Variants in DPYD observed in about 807,000 individuals in gnomAD.
DPYD encodes dihydropyrimidine dehydrogenase [NADP(+)].
Under a neutral mutation model 116.2 loss-of-function variants are expected in DPYD, and 109 were observed. That is an observed-to-expected ratio of 0.94 (90% CI 0.80 to 1.10). DPYD has a LOEUF of 1.10. DPYD is among the 50% of genes least tolerant of loss of function. DPYD has a pLI of 0.00. For missense variants in DPYD, 1,302 were observed against 1,254.5 expected (o/e 1.04, Z -0.57); for synonymous variants, 440 against 432.0 (o/e 1.02, Z -0.23).
At chr1:97,469,532 A>T (rs181344637) in intron 13 of DPYD, among the ~76,000 whole-genome samples, 1 of 152,178 alleles carries the variant, frequency 6.6e-6, no homozygotes, top group Non-Finnish European at 1.5e-5. Flanking sequence ...TAGTGAAAAT[A>T]GAACAATAGG....
chr1:97,287,966 G>A (rs1239271802), intron 18 of DPYD, among the ~76,000 whole-genome samples: 2 of 151,118 alleles, frequency 1.3e-5, no homozygotes, highest in African/African-American at 4.9e-5. Context: ...ACACACATAG[G>A]CTCAAAATAA....
Position 97,900,129 on chromosome 1 carries a change from G to T in DPYD, c.40-16755C>A, listed in dbSNP as rs116755650. Among the ~76,000 whole-genome samples the T allele has an allele frequency of 6.5e-3, 984 of 151,958 alleles. 13 individuals carry two copies. Among genetic ancestry groups the T allele is most frequent in the African/African-American group, 0.023 (946 of 41,498 alleles). ...TTTAAGGAGTCTCATTAAAGGGAGA[G>T]GTATACCTTGTTTTTCCTGTTCTTC... On this transcript the variant is annotated intron_variant, in intron 1 of 22. Coordinates refer to ENST00000370192, the MANE Select transcript of DPYD (RefSeq NM_000110.4).
intron 2 of DPYD, among the ~76,000 whole-genome samples, chr1:97,852,496 A>G (rs946876087): frequency 6.6e-6 from 1 of 152,184 alleles, no homozygotes; most frequent in African/African-American, 2.4e-5. Context: ...ACATAATAAC[A>G]TGGAATCTAT....
chr1:97,809,681 T>C (rs1013427711), intron 3 of DPYD, among the ~76,000 whole-genome samples: 1 of 152,150 alleles, frequency 6.6e-6, no homozygotes, highest in African/African-American at 2.4e-5. Flanking sequence ...TACCATGTAG[T>C]ATACACAATA....
chr1:97,202,530 T>G (rs1368739943), intron 19 of DPYD, among the ~76,000 whole-genome samples: 2 of 152,192 alleles, frequency 1.3e-5, no homozygotes, highest in Non-Finnish European at 2.9e-5. Flanking sequence ...AACCACATTT[T>G]GCCAGCCAGA....
chr1:97,226,826 T>C (rs989788016), intron 19 of DPYD, among the ~76,000 whole-genome samples: 4 of 152,068 alleles, frequency 2.6e-5, no homozygotes, highest in African/African-American at 9.7e-5. Flanking sequence ...TTCAATAGAA[T>C]CCCTACAAAC....
chr1:97,109,198 A>C (rs1235352991), intron 20 of DPYD, among the ~76,000 whole-genome samples: 1 of 152,156 alleles, frequency 6.6e-6, no homozygotes, highest in Non-Finnish European at 1.5e-5. Context: ...CTAAAGCATT[A>C]TAGAACCAAA....
At chr1:97,406,288 T>A (rs1024749309) in intron 14 of DPYD, among the ~76,000 whole-genome samples, 19 of 66,090 alleles carry the variant, frequency 2.9e-4, no homozygotes, top group South Asian at 7.4e-4. Flanking sequence ...TTTTTTTTTT[T>A]TAAAATTATT....
chr1:97,738,986 T>G (rs1664110666), intron 4 of DPYD, among the ~76,000 whole-genome samples: 1 of 152,072 alleles, frequency 6.6e-6, no homozygotes, highest in African/African-American at 2.4e-5. Flanking sequence ...TTCTGAAATA[T>G]CTATGAAAAA....
chr1:97,755,131 T>A (rs1665156640), intron 3 of DPYD, among the ~76,000 whole-genome samples: 1 of 152,130 alleles, frequency 6.6e-6, no homozygotes, highest in Non-Finnish European at 1.5e-5. Context: ...TTCCTGCTTG[T>A]AGGTCTCAAG....
chr1:97,281,848 AT>A (rs1402693041), intron 18 of DPYD, among the ~76,000 whole-genome samples: 1 of 152,116 alleles, frequency 6.6e-6, no homozygotes, highest in Non-Finnish European at 1.5e-5. Flanking sequence ...AGGGTATAAA[AT>A]TATCTACCTC....
intron 20 of DPYD, among the ~76,000 whole-genome samples, chr1:97,126,279 T>C (rs187250029): frequency 3.3e-5 from 5 of 152,264 alleles, no homozygotes; most frequent in African/African-American, 9.6e-5. Flanking sequence ...CTTGTTCCCA[T>C]CCTACTTGTT....
intron 3 of DPYD, among the ~76,000 whole-genome samples, chr1:97,785,292 G>A (rs1571353045): frequency 6.6e-6 from 1 of 152,042 alleles, no homozygotes; most frequent in African/African-American, 2.4e-5. Flanking sequence ...CTGAATATGA[G>A]AAAGGTAAAA....
intron 3 of DPYD, among the ~76,000 whole-genome samples, chr1:97,756,978 C>T (rs1475587754): frequency 1.3e-5 from 2 of 152,056 alleles, no homozygotes; most frequent in Admixed American, 6.6e-5. Flanking sequence ...TCCTCAACTA[C>T]CCCCCACTCC....
At position 97,081,717 on chromosome 1, in the gene DPYD, CTT is replaced by C. The variant is rs371355751; in HGVS notation, c.2907+611_2907+612del. ...TTTTCTTTTTCTTTTCTTTTCTTTT[CTT>C]TTTTTTTTTTTTTTTCCTGCATGGT... On this transcript the variant is annotated intron_variant, in intron 22 of 22. Coordinates refer to ENST00000370192, the MANE Select transcript of DPYD (RefSeq NM_000110.4). Among the ~76,000 whole-genome samples the C allele has an allele frequency of 4.5e-4, 61 of 136,452 alleles. 1 individual carries two copies. The highest frequency in any genetic ancestry group is 5.6e-4 in the Non-Finnish European group (36 of 64,058). The allele number at this position is 136,452 out of a possible 152,430, so 89.5% of individuals were successfully genotyped here.
chr1:97,649,322 C>G (rs764468518), intron 8 of DPYD, among the ~76,000 whole-genome samples: 1 of 151,996 alleles, frequency 6.6e-6, no homozygotes, highest in Non-Finnish European at 1.5e-5. Flanking sequence ...CTGGATTTAT[C>G]TGATAGCACA....
intron 5 of DPYD, among the ~76,000 whole-genome samples, chr1:97,716,891 T>C (rs927506760): frequency 4.6e-5 from 7 of 152,038 alleles, no homozygotes; most frequent in African/African-American, 1.7e-4. Context: ...TAAAACAAAA[T>C]ACATTTTATC....
chr1:97,307,501 A>T (rs1667242401), intron 16 of DPYD, among the ~76,000 whole-genome samples: 1 of 151,754 alleles, frequency 6.6e-6, no homozygotes, highest in African/African-American at 2.4e-5. Flanking sequence ...ATCCTGTATT[A>T]CTCAAAAAGT....
intron 8 of DPYD, among the ~76,000 whole-genome samples, chr1:97,613,256 A>C (rs1656059252): frequency 1.3e-5 from 2 of 151,996 alleles, no homozygotes; most frequent in African/African-American, 2.4e-5. Context: ...GTCAAAAGAT[A>C]ATTTTGGTGG....
Sources: allele counts gnomAD v4.1 joint callset (sites outside exome capture counted in the v4.1 genomes callset), GRCh38; gene constraint gnomAD v4.1.1; transcripts MANE v1.5; gene names NCBI Gene and HGNC (gene_info 2026-07-23, HGNC 2026-07-21).